Variants in KIR2DL3 observed in about 807,000 individuals in gnomAD.
KIR2DL3 encodes the protein killer cell immunoglobulin-like receptor 2DL3.
A neutral mutation model predicts 33.8 loss-of-function variants in KIR2DL3; 39 were observed. The ratio of observed to expected loss-of-function variants is 1.15; its 90% CI spans 0.89 to 1.51. The LOEUF (loss-of-function observed/expected upper bound fraction) is 1.51. Among genes scored for constraint, KIR2DL3 ranks in the 40% most tolerant of loss-of-function variants. KIR2DL3 has a pLI of 0.00. For synonymous variants in KIR2DL3, 174 were observed against 160.2 expected, an observed-to-expected ratio of 1.09 and a Z score of -0.65; for missense variants, 462 against 426.2, an observed-to-expected ratio of 1.08 and a Z score of -0.74.
intron 2 of KIR2DL3, among the ~76,000 whole-genome samples, chr19:54,740,604 G>A (rs2070863588): frequency 6.6e-6 from 1 of 151,568 alleles, no homozygotes; most frequent in Non-Finnish European, 1.5e-5. Flanking sequence ...GAATCCCAGA[G>A]CTTCTGTTGG....
At chr19:54,746,511 G>A (rs532965502) in intron 4 of KIR2DL3, among the ~76,000 whole-genome samples, 1 of 148,480 alleles carries the variant, frequency 6.7e-6, no homozygotes, top group African/African-American at 2.5e-5. Flanking sequence ...TCTTCTACGT[G>A]TTTCATAGGT....
chr19:54,748,522 A>C (rs966254051), intron 5 of KIR2DL3, among the ~76,000 whole-genome samples: 4 of 146,364 alleles, frequency 2.7e-5, no homozygotes, highest in African/African-American at 1.0e-4. Flanking sequence ...GGACACTGAT[A>C]TTGCAGATGG....
intron 2 of KIR2DL3, among the ~76,000 whole-genome samples, chr19:54,740,597 T>G (rs1442307797): frequency 1.3e-5 from 2 of 151,466 alleles, no homozygotes; most frequent in East Asian, 3.9e-4. Flanking sequence ...ACCTCCTGAA[T>G]CCCAGAGCTT....
intron 4 of KIR2DL3, 42 bp from the exon 5 acceptor site, chr19:54,747,293 G>A (rs779922849): frequency 1.2e-6 from 2 of 1,605,668 alleles, no homozygotes; most frequent in Admixed American, 1.7e-5. Context: ...GTAGAGGACA[G>A]ACACCCTCAT....
Position 54,752,820 on chromosome 19 carries a change from C to T in KIR2DL3, c.*301C>T. ...CTGCCCACCTCTCCAACCTAACTGG[C>T]TTACTTCCTAGTCTACTTGAGGCTG... On this transcript the variant is annotated 3_prime_UTR_variant, in exon 8 of 8. Transcript: ENST00000342376. The T allele has an allele frequency of 2.0e-6, 1 of 497,748 alleles. No homozygotes were observed. Among genetic ancestry groups the T allele is most frequent in the Non-Finnish European group, 3.7e-6 (1 of 273,952 alleles). The allele number at this position is 497,748 out of a possible 1,614,324, so 30.8% of individuals were successfully genotyped here. A position where few individuals can be genotyped will look rare whatever the true frequency, so the allele number is the denominator to read the frequency against.
intron 5 of KIR2DL3, among the ~76,000 whole-genome samples, chr19:54,750,543 A>G (rs2073260115): frequency 7.3e-6 from 1 of 137,678 alleles, no homozygotes; most frequent in African/African-American, 2.7e-5. Flanking sequence ...TTCTTGGAGA[A>G]TGCAAGTTGT....
intron 1 of KIR2DL3, 54 bp downstream of exon 1, chr19:54,738,633 C>A: frequency 6.2e-7 from 1 of 1,605,422 alleles, no homozygotes; most frequent in South Asian, 1.1e-5. Flanking sequence ...GATCGGGGCC[C>A]AGAGTTGGAG....
chr19:54,749,480 T>G (rs1423262465), intron 5 of KIR2DL3, among the ~76,000 whole-genome samples: 6 of 120,914 alleles, frequency 5.0e-5, no homozygotes, highest in African/African-American at 1.7e-4. Context: ...TTGATTTTCC[T>G]ACTTGTTTAA....
intron 3 of KIR2DL3, 88 bp from the exon 4 acceptor site, chr19:54,743,707 A>T: frequency 9.3e-7 from 1 of 1,074,974 alleles, no homozygotes; most frequent in South Asian, 1.5e-5. Flanking sequence ...GCATTAGGTC[A>T]TAGAGCAGGG....
intron 4 of KIR2DL3, among the ~76,000 whole-genome samples, chr19:54,744,939 T>C (rs1457681640): frequency 1.7e-4 from 4 of 23,772 alleles, no homozygotes; most frequent in Non-Finnish European, 2.6e-4. Flanking sequence ...TATATATATA[T>C]ATATATATAT....
chr19:54,747,313 T>G (rs1311208246), intron 4 of KIR2DL3, 22 bp from the exon 5 acceptor site: 1 of 1,609,978 alleles, frequency 6.2e-7, no homozygotes. Flanking sequence ...TTTCCTCACC[T>G]CTCTCCTGTC....
chr19:54,747,290 A>C, intron 4 of KIR2DL3, 45 bp from the exon 5 acceptor site: 3 of 1,604,486 alleles, frequency 1.9e-6, no homozygotes, highest in Non-Finnish European at 2.6e-6. Context: ...TGAGTAGAGG[A>C]CAGACACCCT....
chr19:54,744,911 CATATATAAACAT>C (rs1568968786), intron 4 of KIR2DL3, among the ~76,000 whole-genome samples: 1 of 33,552 alleles, frequency 3.0e-5, no homozygotes, highest in Non-Finnish European at 6.6e-5. Context: ...CACACACACA[CATATATAAACAT>C]ATATATATAT....
At chr19:54,744,279 C>G (rs1486433980) in intron 4 of KIR2DL3, among the ~76,000 whole-genome samples, 191 bp downstream of exon 4, 13 of 152,164 alleles carry the variant, frequency 8.5e-5, no homozygotes, top group African/African-American at 3.1e-4. Flanking sequence ...CATGAAGGCC[C>G]GCGGCCAGGG....
At chr19:54,738,997 A>G (rs1439871986) in intron 1 of KIR2DL3, among the ~76,000 whole-genome samples, 1 of 108,978 alleles carries the variant, frequency 9.2e-6, no homozygotes, top group African/African-American at 3.6e-5. Flanking sequence ...AGGTGGAGAT[A>G]CGGGCCTGCA....
At chr19:54,741,750 C>G (rs60955532) in intron 2 of KIR2DL3, among the ~76,000 whole-genome samples, 1 of 148,968 alleles carries the variant, frequency 6.7e-6, no homozygotes, top group South Asian at 2.2e-4. Flanking sequence ...AGATGAGGCT[C>G]AGCCCAGTGG....
Position 54,750,927 on chromosome 19 carries a change from C to T in KIR2DL3, c.716-722C>T, listed in dbSNP as rs535247140. On this transcript the variant is annotated intron_variant, in intron 5 of 7. Transcript: ENST00000342376. ...AGCCACAGGAAGCACTCAGCTAAAG[C>T]ACTGCATGACGTCCTCCTCCAGGAA... 1.0e-4 allele frequency among the ~76,000 whole-genome samples: 14 copies of T among 133,738 alleles called. 1 individual carries two copies. The highest frequency in any genetic ancestry group is 3.9e-4 in the African/African-American group (14 of 35,534). The allele number at this position is 133,738 out of a possible 152,430, so 87.7% of individuals were successfully genotyped here. A position where few individuals can be genotyped will look rare whatever the true frequency, so the allele number is the denominator to read the frequency against.
intron 2 of KIR2DL3, among the ~76,000 whole-genome samples, chr19:54,739,999 T>C (rs1402319165): frequency 6.6e-6 from 1 of 151,854 alleles, no homozygotes; most frequent in African/African-American, 2.4e-5. Flanking sequence ...CTCCACCTCA[T>C]GTCTACCCTG....
intron 4 of KIR2DL3, among the ~76,000 whole-genome samples, chr19:54,745,940 G>A (rs1169820998): frequency 7.1e-6 from 1 of 140,270 alleles, no homozygotes; most frequent in Non-Finnish European, 1.6e-5. Flanking sequence ...AGCCTCCCGA[G>A]TAGCTGGAAT....
Sources: allele counts gnomAD v4.1 joint callset (sites outside exome capture counted in the v4.1 genomes callset), GRCh38; gene constraint gnomAD v4.1.1; transcripts MANE v1.5; gene names NCBI Gene and HGNC (gene_info 2026-07-23, HGNC 2026-07-21).